Variants in SHISA9 observed in about 807,000 individuals in gnomAD.
SHISA9 encodes shisa family member 9.
Under a neutral mutation model 38.0 loss-of-function variants are expected in SHISA9, and 13 were observed. The observed-to-expected ratio is 0.34, with a 90% CI of 0.22 to 0.54. The LOEUF (loss-of-function observed/expected upper bound fraction) is 0.54. SHISA9 is among the 20% of genes least tolerant of loss of function. SHISA9 has a pLI of 0.91. For missense variants in SHISA9, 538 were observed against 575.8 expected (o/e 0.93, Z 0.67); for synonymous variants, 275 against 242.0 (o/e 1.14, Z -1.27).
chr16:13,200,555 G>C (rs543888077), intron 2 of SHISA9, among the ~76,000 whole-genome samples: 3 of 152,100 alleles, frequency 2.0e-5, no homozygotes, highest in African/African-American at 4.8e-5. Context: ...AGGGGAAGCA[G>C]ACAGGAACCC....
intron 2 of SHISA9, among the ~76,000 whole-genome samples, chr16:13,158,916 T>C (rs1258869691): frequency 4.8e-5 from 7 of 146,272 alleles, no homozygotes; most frequent in Admixed American, 1.4e-4. Context: ...AAAAATTAGC[T>C]GGGCATGGTG....
chr16:13,367,877 G>A, the SHISA9 span, among the ~76,000 whole-genome samples: 6 of 151,830 alleles, frequency 4.0e-5, no homozygotes, highest in African/African-American at 1.2e-4. Flanking sequence ...GCTGCAATCA[G>A]CTATAATTCT....
chr16:13,535,819 C>G, the SHISA9 span, among the ~76,000 whole-genome samples: 1 of 152,120 alleles, frequency 6.6e-6, no homozygotes, highest in Non-Finnish European at 1.5e-5. Flanking sequence ...TCTAATTGTT[C>G]CATCATATTT....
chr16:12,953,029 G>T (rs1442107077), intron 2 of SHISA9, among the ~76,000 whole-genome samples: 1 of 152,024 alleles, frequency 6.6e-6, no homozygotes. Flanking sequence ...AAATAGTAAA[G>T]TATGCAACTT....
In SHISA9 at chr16:13,232,328, G is replaced by T. The variant is rs977959904; in HGVS notation, c.896-2702G>T. 2.6e-5 allele frequency among the ~76,000 whole-genome samples: 4 copies of T among 152,176 alleles called. No homozygotes were observed. In the East Asian group the frequency reaches 7.7e-4, roughly 29 times the overall value. On this transcript the variant is annotated intron_variant, in intron 4 of 4. Transcript: ENST00000558583. ...AAATAAAAGGAGATTTCATAAAATT[G>T]TCAAATGAAAAACAAATAAGAAAAG...
At chr16:13,371,340 C>G in the SHISA9 span, among the ~76,000 whole-genome samples, 1 of 152,144 alleles carries the variant, frequency 6.6e-6, no homozygotes, top group African/African-American at 2.4e-5. Flanking sequence ...TGCAATAGGT[C>G]TAGGGGTGGA....
the SHISA9 span, among the ~76,000 whole-genome samples, chr16:13,391,660 A>T: frequency 5.9e-5 from 9 of 152,254 alleles, no homozygotes; most frequent in African/African-American, 2.2e-4. Flanking sequence ...ACCCTAGATC[A>T]ATTAAAGGGT....
chr16:13,093,223 G>T (rs1006950244), intron 2 of SHISA9, among the ~76,000 whole-genome samples: 1 of 152,034 alleles, frequency 6.6e-6, no homozygotes, highest in Non-Finnish European at 1.5e-5. Context: ...TTCAACCTAG[G>T]GTGACAAGAT....
At chr16:13,142,658 T>C (rs204020) in intron 2 of SHISA9, among the ~76,000 whole-genome samples, 137,351 of 152,206 alleles carry the variant, frequency 0.9, 62,177 homozygotes, top group African/African-American at 0.97. Context: ...AGGTACCCTG[T>C]CTTTTGTTTA....
At chr16:12,927,589 T>G (rs79664235) in intron 2 of SHISA9, among the ~76,000 whole-genome samples, 1 of 151,720 alleles carries the variant, frequency 6.6e-6, no homozygotes, top group Non-Finnish European at 1.5e-5. Flanking sequence ...TTTTTTTTTT[T>G]GTAGAGACAG....
the SHISA9 span, among the ~76,000 whole-genome samples, chr16:13,356,282 A>G: frequency 6.6e-6 from 1 of 152,212 alleles, no homozygotes; most frequent in Non-Finnish European, 1.5e-5. Flanking sequence ...ATGTATTTTG[A>G]GAATAAGACG....
At chr16:13,394,929 G>GTT in the SHISA9 span, among the ~76,000 whole-genome samples, 1 of 20,162 alleles carries the variant, frequency 5.0e-5, no homozygotes, top group Non-Finnish European at 1.4e-4. Flanking sequence ...AGTATCTGGG[G>GTT]TGTGTGTGTG....
intron 2 of SHISA9, among the ~76,000 whole-genome samples, chr16:13,140,801 G>A (rs1316593390): frequency 6.6e-6 from 1 of 152,178 alleles, no homozygotes; most frequent in Non-Finnish European, 1.5e-5. Flanking sequence ...TTCCAGCTAG[G>A]TTTTGAATGA....
At chr16:13,549,696 G>A in the SHISA9 span, among the ~76,000 whole-genome samples, 2 of 152,102 alleles carry the variant, frequency 1.3e-5, no homozygotes, top group African/African-American at 4.8e-5. Context: ...TAGAAGTGGG[G>A]AGTATTTTAG....
chr16:12,960,774 G>GTCCTCTTCCC (rs1478644387), intron 2 of SHISA9, among the ~76,000 whole-genome samples: 1 of 151,594 alleles, frequency 6.6e-6, no homozygotes, highest in Non-Finnish European at 1.5e-5. Flanking sequence ...TTCCAGTTCC[G>GTCCTCTTCCC]TCCTCTTCCC....
chr16:13,442,314 C>A, the SHISA9 span, among the ~76,000 whole-genome samples: 1 of 138,250 alleles, frequency 7.2e-6, no homozygotes, highest in South Asian at 2.9e-4. Flanking sequence ...AACAAGGAAA[C>A]AATTTTTTTT....
the SHISA9 span, among the ~76,000 whole-genome samples, chr16:13,394,928 G>GTGT: frequency 1.4e-5 from 2 of 139,402 alleles, no homozygotes; most frequent in Non-Finnish European, 3.1e-5. Flanking sequence ...CAGTATCTGG[G>GTGT]GTGTGTGTGT....
At chr16:13,271,950 G>A in the SHISA9 span, among the ~76,000 whole-genome samples, 2 of 151,968 alleles carry the variant, frequency 1.3e-5, no homozygotes, top group African/African-American at 4.8e-5. Flanking sequence ...ATGGTAGCAG[G>A]CACCTGTAAT....
At chr16:13,522,057 G>A in the SHISA9 span, among the ~76,000 whole-genome samples, 3 of 152,148 alleles carry the variant, frequency 2.0e-5, no homozygotes, top group African/African-American at 4.8e-5. Context: ...GGCGCTTCCC[G>A]GGAAGTTCGA....
Sources: allele counts gnomAD v4.1 joint callset (sites outside exome capture counted in the v4.1 genomes callset), GRCh38; gene constraint gnomAD v4.1.1; transcripts MANE v1.5; gene names NCBI Gene and HGNC (gene_info 2026-07-23, HGNC 2026-07-21).